Variants in DLG2 observed in about 807,000 individuals in gnomAD.
DLG2 encodes disks large homolog 2.
In DLG2, 45 loss-of-function variants were observed where a neutral mutation model predicts 132.5. The ratio of observed to expected loss-of-function variants is 0.34; its 90% confidence interval spans 0.27 to 0.44. The LOEUF (loss-of-function observed/expected upper bound fraction) is 0.44, where lower values mean the gene tolerates loss of function less well. DLG2 is among the 20% of genes least tolerant of loss of function. DLG2 has a pLI of 1.00. For synonymous variants in DLG2, 424 were observed against 419.6 expected (o/e 1.01, Z -0.13); for missense variants, 1,045 against 1,196.9 (o/e 0.87, Z 1.87).
chr11:84,022,772 A>G (rs973813935), intron 11 of DLG2, among the ~76,000 whole-genome samples: 2 of 152,142 alleles, frequency 1.3e-5, no homozygotes, highest in African/African-American at 4.8e-5. Context: ...GTAGACTGCA[A>G]AACATGCTTT....
intron 6 of DLG2, among the ~76,000 whole-genome samples, chr11:84,871,878 T>G (rs1345218646): frequency 1.3e-5 from 2 of 152,152 alleles, no homozygotes; most frequent in African/African-American, 4.8e-5. Context: ...TTTCACCATG[T>G]TGGCCAGGCT....
chr11:85,489,534 C>T (rs887179685), intron 3 of DLG2, among the ~76,000 whole-genome samples: 3 of 152,006 alleles, frequency 2.0e-5, no homozygotes, highest in Middle Eastern at 3.4e-3. Flanking sequence ...AACATGAAAC[C>T]GAAATTGGAC....
At chr11:83,477,200 A>G (rs577490212) in intron 22 of DLG2, among the ~76,000 whole-genome samples, 10 of 152,254 alleles carry the variant, frequency 6.6e-5, no homozygotes, top group Middle Eastern at 3.4e-3. Context: ...ATAGTCCTCA[A>G]TATACTTGCC....
chr11:84,166,991 C>T (rs566496403), intron 8 of DLG2: 1 of 533,272 alleles, frequency 1.9e-6, no homozygotes, highest in Non-Finnish European at 3.8e-6. Context: ...AGTTTGGGGC[C>T]CGGAGAGCTT....
At chr11:85,476,321 T>A (rs2093140308) in intron 3 of DLG2, among the ~76,000 whole-genome samples, 1 of 149,368 alleles carries the variant, frequency 6.7e-6, no homozygotes, top group Non-Finnish European at 1.5e-5. Flanking sequence ...GAAGTTGCTC[T>A]GGGTGAGTCA....
At chr11:84,535,785 A>G (rs189773037) in intron 6 of DLG2, among the ~76,000 whole-genome samples, 1 of 152,322 alleles carries the variant, frequency 6.6e-6, no homozygotes, top group African/African-American at 2.4e-5. Context: ...TAATCAGATA[A>G]TAAAGTGTTA....
intron 4 of DLG2, 86 bp downstream of exon 4, chr11:85,285,134 G>T: frequency 8.6e-7 from 1 of 1,162,810 alleles, no homozygotes; most frequent in Non-Finnish European, 1.2e-6. Flanking sequence ...GCCATTTGTT[G>T]ATAATAATCA....
intron 6 of DLG2, among the ~76,000 whole-genome samples, chr11:84,904,345 ACATT>A (rs1211392701): frequency 6.6e-6 from 1 of 152,172 alleles, no homozygotes; most frequent in Non-Finnish European, 1.5e-5. Flanking sequence ...TTGTGTAATT[ACATT>A]GTCAGATGCA....
intron 7 of DLG2, among the ~76,000 whole-genome samples, chr11:84,407,917 T>C (rs920466358): frequency 1.3e-5 from 2 of 152,178 alleles, no homozygotes; most frequent in African/African-American, 2.4e-5. Context: ...ACAAGGATCA[T>C]AGAATCACTT....
At chr11:85,299,532 C>G (rs1419205668) in intron 3 of DLG2, among the ~76,000 whole-genome samples, 1 of 152,160 alleles carries the variant, frequency 6.6e-6, no homozygotes, top group East Asian at 1.9e-4. Flanking sequence ...TGCCTTTGCA[C>G]TTTGCATTTA....
chr11:84,902,556 G>A (rs2091018232), intron 6 of DLG2, among the ~76,000 whole-genome samples: 1 of 152,100 alleles, frequency 6.6e-6, no homozygotes, highest in South Asian at 2.1e-4. Context: ...TATCCCCCAG[G>A]GTTCTGTCCG....
chr11:85,163,925 T>A (rs1236763029), intron 4 of DLG2, among the ~76,000 whole-genome samples: 1 of 152,146 alleles, frequency 6.6e-6, no homozygotes. Flanking sequence ...TACCCATGTA[T>A]GCATGGGAGT....
chr11:84,341,874 C>A (rs2098516659), intron 7 of DLG2, among the ~76,000 whole-genome samples: 1 of 151,400 alleles, frequency 6.6e-6, no homozygotes, highest in African/African-American at 2.4e-5. Context: ...TAACAAAGCA[C>A]AATTTCAAAT....
At chr11:83,593,463 G>C (rs2097223781) in intron 19 of DLG2, among the ~76,000 whole-genome samples, 1 of 151,826 alleles carries the variant, frequency 6.6e-6, no homozygotes, top group South Asian at 2.1e-4. Context: ...ATGGACACAG[G>C]AAGGGGAATA....
At chr11:84,578,824 G>T (rs531610199) in intron 6 of DLG2, among the ~76,000 whole-genome samples, 1 of 152,096 alleles carries the variant, frequency 6.6e-6, no homozygotes. Context: ...AGAATGATAT[G>T]GCTTGGCTGT....
intron 6 of DLG2, among the ~76,000 whole-genome samples, chr11:84,691,703 T>A (rs2058063930): frequency 6.6e-6 from 1 of 151,708 alleles, no homozygotes; most frequent in Admixed American, 6.6e-5. Context: ...ACCATTAGAA[T>A]TACATGTATA....
chr11:84,632,600 A>G (rs1191599424), intron 6 of DLG2, among the ~76,000 whole-genome samples: 1 of 152,206 alleles, frequency 6.6e-6, no homozygotes, highest in Non-Finnish European at 1.5e-5. Context: ...TTAAGTTTGA[A>G]GAGTTCCAAC....
At chr11:85,123,344 G>A (rs2074666966) in intron 5 of DLG2, among the ~76,000 whole-genome samples, 1 of 151,936 alleles carries the variant, frequency 6.6e-6, no homozygotes, top group East Asian at 1.9e-4. Flanking sequence ...TGGAAAGATA[G>A]GAAAGGTAGG....
At chr11:84,610,482 A>T (rs1414426378) in intron 6 of DLG2, among the ~76,000 whole-genome samples, 1 of 152,162 alleles carries the variant, frequency 6.6e-6, no homozygotes. Context: ...GACCTAAACC[A>T]GAATTATCTT....
Sources: allele counts gnomAD v4.1 joint callset (sites outside exome capture counted in the v4.1 genomes callset), GRCh38; gene constraint gnomAD v4.1.1; transcripts MANE v1.5; gene names NCBI Gene and HGNC (gene_info 2026-07-23, HGNC 2026-07-21).